The following CPS1 variants were observed in gnomAD, a reference collection of about 807,000 sequenced individuals.
CPS1 encodes the protein carbamoyl-phosphate synthase 1.
In CPS1, 109 loss-of-function variants were observed where a neutral mutation model predicts 174.6. That is an observed-to-expected ratio of 0.62 (90% CI 0.53 to 0.73). The LOEUF (loss-of-function observed/expected upper bound fraction) is 0.73, where lower values mean the gene tolerates loss of function less well. CPS1 is among the 30% of genes least tolerant of loss of function. The probability of loss-of-function intolerance (pLI) is 0.00; values close to 1 mark genes in which losing one functional copy is unlikely to be tolerated. For missense variants in CPS1, 1,689 were observed against 1,821.9 expected, an observed-to-expected ratio of 0.93 and a Z score of 1.33; for synonymous variants, 637 against 632.0, an observed-to-expected ratio of 1.01 and a Z score of -0.12.
upstream of CPS1, among the ~76,000 whole-genome samples, chr2:210,556,151 G>A (rs1331269798): frequency 2.0e-5 from 3 of 151,940 alleles, no homozygotes; most frequent in African/African-American, 4.8e-5. Context: ...TTATTCTAAC[G>A]TTCTTTTTAC....
chr2:210,677,083 G>C lies in CPS1; in HGVS notation c.4351G>C (p.Val1451Leu). The C allele has an allele frequency of 6.2e-7, 1 of 1,613,760 alleles. No homozygotes were observed. ...CACTAAATTTGTCCATGATAATTAT[G>C]TGATTCGGAGGACAGCTGTTGATAG... is the stretch of plus-strand genomic sequence containing the variant. ...NNTKFVHDNY[V>L]IRRTAVDSGI... The change falls in exon 37 of 38, where the codon GTG becomes CTG. Residue 1451 changes from valine to leucine, a missense_variant. Physicochemically the swap from Val to Leu is conservative, Grantham distance 32 (BLOSUM62 1). Transcript: ENST00000233072.
intron 7 of CPS1, 51 bp downstream of exon 7, chr2:210,588,198 G>C: frequency 2.0e-6 from 3 of 1,492,002 alleles, no homozygotes; most frequent in Non-Finnish European, 2.8e-6. Context: ...TTGACCATTA[G>C]TGTTCAGCTA....
intron 1 of CPS1, among the ~76,000 whole-genome samples, chr2:210,549,351 GA>G (rs1201640695): frequency 2.6e-5 from 4 of 151,918 alleles, no homozygotes; most frequent in East Asian, 1.9e-4. Context: ...GACTGATGAT[GA>G]TTTTTTTTTA....
chr2:210,549,666 A>C (rs566243559), intron 1 of CPS1, among the ~76,000 whole-genome samples: 5 of 152,202 alleles, frequency 3.3e-5, no homozygotes, highest in Middle Eastern at 6.8e-3. Context: ...ATCTTGGCTT[A>C]CTTAGATATT....
chr2:210,655,159 G>T (rs998681731), intron 29 of CPS1, among the ~76,000 whole-genome samples: 5 of 152,146 alleles, frequency 3.3e-5, no homozygotes, highest in Admixed American at 1.3e-4. Flanking sequence ...CTGAGTTTCA[G>T]AGCAAAAACT....
At chr2:210,650,768 G>A (rs1700535187) in intron 28 of CPS1, among the ~76,000 whole-genome samples, 1 of 152,160 alleles carries the variant, frequency 6.6e-6, no homozygotes. Flanking sequence ...TGAATTAGAT[G>A]CTGGTCAGGG....
chr2:210,592,523 T>G (rs1698342211), intron 10 of CPS1, among the ~76,000 whole-genome samples: 1 of 151,988 alleles, frequency 6.6e-6, no homozygotes, highest in Non-Finnish European at 1.5e-5. Context: ...AGAAGACCCT[T>G]GGAAAAGTAA....
chr2:210,623,216 T>TG (rs1699587725), intron 21 of CPS1, among the ~76,000 whole-genome samples: 1 of 152,182 alleles, frequency 6.6e-6, no homozygotes, highest in Non-Finnish European at 1.5e-5. Context: ...TTAGCAATGT[T>TG]GTAGATGACT....
intron 1 of CPS1, among the ~76,000 whole-genome samples, chr2:210,532,092 G>T (rs989232411): frequency 6.6e-5 from 10 of 152,040 alleles, no homozygotes; most frequent in Non-Finnish European, 1.5e-4. Context: ...CTACATTTCT[G>T]CATCATGGTT....
intron 1 of CPS1, among the ~76,000 whole-genome samples, chr2:210,487,288 C>G (rs1309742928): frequency 2.0e-5 from 3 of 152,222 alleles, no homozygotes; most frequent in Non-Finnish European, 4.4e-5. Context: ...TGTCACTTCT[C>G]TCTGCCCTCT....
intron 37 of CPS1, 65 bp downstream of exon 37, chr2:210,677,201 T>C: frequency 6.8e-7 from 1 of 1,470,548 alleles, no homozygotes; most frequent in South Asian, 1.1e-5. Context: ...CTTAAGAGTG[T>C]AATCAGTAGA....
intron 1 of CPS1, among the ~76,000 whole-genome samples, chr2:210,539,186 C>T (rs1396769869): frequency 6.6e-6 from 1 of 152,152 alleles, no homozygotes; most frequent in Non-Finnish European, 1.5e-5. Context: ...CCTCATAGTA[C>T]TGCTGAAGGG....
chr2:210,577,176 G>C (rs1012961067), intron 3 of CPS1: 5 of 539,900 alleles, frequency 9.3e-6, no homozygotes, highest in East Asian at 3.2e-5. Flanking sequence ...TGTCAGAAGG[G>C]GGACCTAGTT....
chr2:210,556,508 G>T (rs1696917432), upstream of CPS1: 11 of 1,352,498 alleles, frequency 8.1e-6, no homozygotes, highest in Non-Finnish European at 1.1e-5. Context: ...ACATGCCCAT[G>T]GAACATCTCT....
chr2:210,644,073 A>G (rs1347038491), intron 25 of CPS1, among the ~76,000 whole-genome samples: 1 of 152,142 alleles, frequency 6.6e-6, no homozygotes, highest in Non-Finnish European at 1.5e-5. Context: ...ATAATTAATT[A>G]TGTCCTCATG....
At chr2:210,632,199 A>G (rs560174388) in intron 21 of CPS1, among the ~76,000 whole-genome samples, 33 of 152,252 alleles carry the variant, frequency 2.2e-4, no homozygotes, top group Non-Finnish European at 4.3e-4. Flanking sequence ...AAAAACAAAA[A>G]CAAAAACCCA....
chr2:210,580,490 A>G (rs13031200), intron 5 of CPS1, among the ~76,000 whole-genome samples: 7,946 of 152,128 alleles, frequency 0.052, 286 homozygotes, highest in Middle Eastern at 0.12. Flanking sequence ...AACGTTAACT[A>G]AATTCCCCAA....
Position 210,675,809 on chromosome 2 carries a change from G to T in CPS1, c.4243G>T (p.Gly1415Ter). 6.3e-7 allele frequency: 1 copy of T among 1,588,978 alleles called. No homozygotes were observed. Among genetic ancestry groups the T allele is most frequent in the Non-Finnish European group, 8.6e-7 (1 of 1,157,040 alleles). ...ATPVAWPSQEGQNPSLSSIRK... is the reference protein window; with the variant it reads ...ATPVAWPSQE ...CCCAGTGGCATGGCCGTCTCAAGAA[G>T]GACAGAATCCCAGCCTCTCTTCCAT... Residue 1415 changes from glycine to a stop codon, truncating the protein, a stop_gained, in exon 36 of 38, where the codon GGA (glycine) becomes TGA (stop). Coordinates refer to ENST00000233072, the MANE Select transcript of CPS1 (RefSeq NM_001875.5). LOFTEE classifies it high-confidence loss of function.
chr2:210,497,907 TATATATATATATCTCCAGTAATGCAGTC>T (rs1170136538), intron 1 of CPS1, among the ~76,000 whole-genome samples: 2 of 138,680 alleles, frequency 1.4e-5, no homozygotes, highest in African/African-American at 5.4e-5. Context: ...TATATATATA[TATATATATATATCTCCAGTAATGCAGTC>T]ATGGGGTTGC....
Sources: allele counts gnomAD v4.1 joint callset (sites outside exome capture counted in the v4.1 genomes callset), GRCh38; gene constraint gnomAD v4.1.1; transcripts MANE v1.5; gene names NCBI Gene and HGNC (gene_info 2026-07-23, HGNC 2026-07-21).